The following SLC24A2 variants were observed in gnomAD, a reference collection of about 807,000 sequenced individuals.
SLC24A2 encodes the protein sodium/potassium/calcium exchanger 2.
In SLC24A2, 36 loss-of-function variants were observed where a neutral mutation model predicts 62.0. That is an observed-to-expected ratio of 0.58 (90% CI 0.44 to 0.77). The LOEUF is 0.77. Among genes scored for constraint, SLC24A2 ranks in the 30% least tolerant of loss-of-function variants. SLC24A2 has a pLI of 0.00. For synonymous variants in SLC24A2, 358 were observed against 294.0 expected (o/e 1.22, Z -2.23); for missense variants, 846 against 817.9 (o/e 1.03, Z -0.42).
chr9:19,875,943 C>G, the SLC24A2 span, among the ~76,000 whole-genome samples: 3 of 152,126 alleles, frequency 2.0e-5, no homozygotes, highest in Non-Finnish European at 4.4e-5. Context: ...TGATAAGCAA[C>G]CTTATCCAAT....
At chr9:19,780,213 A>G (rs903453695) in intron 2 of SLC24A2, among the ~76,000 whole-genome samples, 1 of 152,184 alleles carries the variant, frequency 6.6e-6, no homozygotes, top group Non-Finnish European at 1.5e-5. Context: ...GAGCGTAAAC[A>G]TCTTAATTAA....
chr9:20,215,408 T>A, the SLC24A2 span, among the ~76,000 whole-genome samples: 849 of 152,052 alleles, frequency 5.6e-3, 18 homozygotes, highest in East Asian at 0.046. Flanking sequence ...ATTCTTTCAA[T>A]GGGTAGAATG....
the SLC24A2 span, among the ~76,000 whole-genome samples, chr9:20,040,243 T>C: frequency 6.6e-6 from 1 of 152,182 alleles, no homozygotes; most frequent in Non-Finnish European, 1.5e-5. Flanking sequence ...TTGGTGCTAT[T>C]AAAAATCTTG....
chr9:19,921,194 G>T, the SLC24A2 span, among the ~76,000 whole-genome samples: 1 of 151,448 alleles, frequency 6.6e-6, no homozygotes, highest in Non-Finnish European at 1.5e-5. Flanking sequence ...TTCATTTAAT[G>T]ACCTTTCTAT....
At chr9:20,207,209 A>T in the SLC24A2 span, among the ~76,000 whole-genome samples, 1 of 152,216 alleles carries the variant, frequency 6.6e-6, no homozygotes, top group Admixed American at 6.5e-5. Context: ...TGCATTCTGA[A>T]ACAGCCAAGA....
intron 2 of SLC24A2, among the ~76,000 whole-genome samples, chr9:19,673,135 T>C (rs2145778): frequency 0.027 from 3,911 of 146,496 alleles, 548 homozygotes; most frequent in East Asian, 0.094. Flanking sequence ...CAGAGGAGTA[T>C]TGAAGTCCTC....
intron 2 of SLC24A2, among the ~76,000 whole-genome samples, chr9:19,665,085 T>G (rs1458554906): frequency 6.6e-6 from 1 of 152,198 alleles, no homozygotes; most frequent in Non-Finnish European, 1.5e-5. Context: ...CTGTTGATAC[T>G]GCAGGCCCTC....
intron 2 of SLC24A2, among the ~76,000 whole-genome samples, chr9:19,702,520 C>T (rs182110912): frequency 1.2e-3 from 177 of 152,278 alleles, no homozygotes; most frequent in Admixed American, 3.5e-3. Flanking sequence ...TTTTAAATTA[C>T]ATTTGAGTAT....
the SLC24A2 span, among the ~76,000 whole-genome samples, chr9:20,218,874 G>A: frequency 6.6e-6 from 1 of 152,112 alleles, no homozygotes; most frequent in African/African-American, 2.4e-5. Flanking sequence ...CTGCAATCCA[G>A]GTGTCTGCGA....
the SLC24A2 span, among the ~76,000 whole-genome samples, chr9:19,915,960 T>G: frequency 6.6e-6 from 1 of 152,080 alleles, no homozygotes; most frequent in Admixed American, 6.6e-5. Context: ...GATGTCATAT[T>G]TTAAAAACTG....
At chr9:20,177,893 C>T in the SLC24A2 span, among the ~76,000 whole-genome samples, 8 of 152,004 alleles carry the variant, frequency 5.3e-5, no homozygotes, top group South Asian at 2.1e-4. Context: ...TGAGAAATTA[C>T]GGAGATTGCC....
chr9:20,256,209 T>C, the SLC24A2 span, among the ~76,000 whole-genome samples: 1 of 152,206 alleles, frequency 6.6e-6, no homozygotes, highest in East Asian at 1.9e-4. Context: ...AAAGCATGCC[T>C]TTGGGGAGAC....
intron 2 of SLC24A2, among the ~76,000 whole-genome samples, chr9:19,779,631 G>C (rs1490612048): frequency 6.6e-6 from 1 of 152,104 alleles, no homozygotes; most frequent in Non-Finnish European, 1.5e-5. Flanking sequence ...TAAAAGGTTT[G>C]GTATACAAGA....
At chr9:20,145,851 TCA>T in the SLC24A2 span, among the ~76,000 whole-genome samples, 1 of 151,940 alleles carries the variant, frequency 6.6e-6, no homozygotes, top group African/African-American at 2.4e-5. Context: ...TATTTCTTTT[TCA>T]CAAAGATGGG....
chr9:19,543,877 G>C (rs975637234), intron 8 of SLC24A2, among the ~76,000 whole-genome samples: 7 of 152,114 alleles, frequency 4.6e-5, no homozygotes, highest in African/African-American at 1.7e-4. Flanking sequence ...GAATAAGTGC[G>C]ATGAGGTGCT....
At chr9:20,287,982 A>G in the SLC24A2 span, among the ~76,000 whole-genome samples, 335 of 152,100 alleles carry the variant, frequency 2.2e-3, no homozygotes, top group Non-Finnish European at 3.8e-3. Flanking sequence ...TATACAAACA[A>G]TTTGATAACA....
rs192859041 is a variant in SLC24A2 at position 19,508,149 on chromosome 9, C to G, written c.*8004G>C. On this transcript the variant is annotated 3_prime_UTR_variant, in exon 11 of 11. Transcript: ENST00000341998. ...GCTTGATGGTGGAAGCTGTTGCTTCCGGAGTTTTTTGACTTGAGCAGAAGA... is the reference window on the plus strand; with the variant it reads ...GCTTGATGGTGGAAGCTGTTGCTTCGGGAGTTTTTTGACTTGAGCAGAAGA... The G allele has an allele frequency of 6.6e-6, 1 of 152,244 alleles. No individual in the cohort carries two copies. The highest frequency in any genetic ancestry group is 2.4e-5 in the African/African-American group (1 of 41,544). The allele number at this position is 152,244 out of a possible 1,614,324, so 9.4% of individuals were successfully genotyped here.
chr9:20,027,321 A>T, the SLC24A2 span, among the ~76,000 whole-genome samples: 1 of 152,212 alleles, frequency 6.6e-6, no homozygotes, highest in Admixed American at 6.5e-5. Context: ...AGGAAATGCA[A>T]TCACTACGTC....
chr9:20,089,960 G>A, the SLC24A2 span, among the ~76,000 whole-genome samples: 6 of 152,074 alleles, frequency 3.9e-5, no homozygotes, highest in African/African-American at 1.4e-4. Context: ...GCAGCTCTGT[G>A]TTTCTAAGAC....
Sources: gnomAD v4.1 joint callset for allele counts (sites outside exome capture counted in the v4.1 genomes callset) on GRCh38, gnomAD v4.1.1 for gene constraint, MANE v1.5 for transcripts, NCBI Gene and HGNC (gene_info 2026-07-23, HGNC 2026-07-21) for gene names.